Variants in CCDC12 observed in about 807,000 individuals in gnomAD.
The protein encoded by CCDC12 is coiled-coil domain-containing protein 12.
A neutral mutation model predicts 25.7 loss-of-function variants in CCDC12; 28 were observed. That is an observed-to-expected ratio of 1.09 (90% CI 0.81 to 1.50). The LOEUF (loss-of-function observed/expected upper bound fraction) is 1.50. Ranked by LOEUF, CCDC12 falls within the 40% of genes most tolerant of loss-of-function variation. The pLI is 0.00. For missense variants in CCDC12, 198 were observed against 210.0 expected (o/e 0.94, Z 0.35); for synonymous variants, 75 against 87.7 (o/e 0.86, Z 0.81).
At chr3:46,946,978 C>T (rs990380193) in intron 1 of CCDC12, among the ~76,000 whole-genome samples, 5 of 152,166 alleles carry the variant, frequency 3.3e-5, no homozygotes, top group African/African-American at 1.2e-4. Context: ...AGACATTCAA[C>T]TTCTCATCTA....
At chr3:46,963,678 C>T (rs2107184611) in intron 1 of CCDC12, among the ~76,000 whole-genome samples, 1 of 152,374 alleles carries the variant, frequency 6.6e-6, no homozygotes, top group Middle Eastern at 3.4e-3. Flanking sequence ...GGCTGGTCTC[C>T]AGCTCCTAAC....
chr3:46,960,683 G>T (rs1024913025), intron 1 of CCDC12, among the ~76,000 whole-genome samples: 2 of 152,142 alleles, frequency 1.3e-5, no homozygotes, highest in African/African-American at 4.8e-5. Context: ...CAAAACCAGG[G>T]AGAAGCCAGG....
intron 1 of CCDC12, among the ~76,000 whole-genome samples, chr3:46,951,179 C>T (rs917988385): frequency 6.6e-6 from 1 of 151,848 alleles, no homozygotes; most frequent in African/African-American, 2.4e-5. Flanking sequence ...GTAGAACTCA[C>T]CGAAACAGAG....
At chr3:46,971,203 A>T (rs149844442) in intron 1 of CCDC12, among the ~76,000 whole-genome samples, 162 of 152,342 alleles carry the variant, frequency 1.1e-3, no homozygotes, top group African/African-American at 3.8e-3. Flanking sequence ...CTCAAGTTCC[A>T]TGCTGCCTTC....
In CCDC12 at chr3:46,957,994, C is replaced by T. The variant is rs867526168; in HGVS notation, c.97-16929G>A. ...ACACACACACACACACACACACACA[C>T]ACATATATATGTAAAGCTAATAGAA... On this transcript the variant is annotated intron_variant, in intron 1 of 6. Coordinates refer to ENST00000683445, the MANE Select transcript of CCDC12 (RefSeq NM_001277074.2). Among the ~76,000 whole-genome samples, 768 of 147,186 alleles carry T rather than the reference C, an allele frequency of 5.2e-3. 9 individuals are homozygous for T. Among genetic ancestry groups the T allele is most frequent in the African/African-American group, 0.019 (736 of 39,692 alleles).
chr3:46,937,523 G>C (rs4683294), intron 2 of CCDC12, among the ~76,000 whole-genome samples: 85,672 of 152,104 alleles, frequency 0.56, 26,701 homozygotes, highest in East Asian at 0.7. Flanking sequence ...GCTCACTGGC[G>C]AATGGCCTCA....
In CCDC12 at chr3:46,968,554, G is replaced by A. The variant is rs115965854; in HGVS notation, c.96+8083C>T. Among the ~76,000 whole-genome samples, 874 of 152,268 alleles carry A rather than the reference G, an allele frequency of 5.7e-3. 11 individuals are homozygous for A. The highest frequency in any genetic ancestry group is 0.02 in the African/African-American group (847 of 41,544). The stretch of plus-strand genomic sequence containing the variant: ...CTGATGAGTTCAGAAGCTGTATCTC[G>A]ATTTTATAGACAAGAGAGAGGCTCA... On this transcript the variant is annotated intron_variant, in intron 1 of 6. Coordinates refer to ENST00000683445, the MANE Select transcript of CCDC12 (RefSeq NM_001277074.2).
chr3:46,949,640 G>A (rs988238941), intron 1 of CCDC12, among the ~76,000 whole-genome samples: 9 of 152,188 alleles, frequency 5.9e-5, no homozygotes, highest in African/African-American at 1.4e-4. Flanking sequence ...GTCAAAGTGG[G>A]GCTGGCACTA....
rs577632843 is a variant in CCDC12 at position 46,939,730 on chromosome 3, G to T, written c.164+1268C>A. ...TGGTAGCATGTCTGAACCCGAGTAG[G>T]GGGCATGGACTCTGCAGGGCTCTCA... On this transcript the variant is annotated intron_variant, in intron 2 of 6. Coordinates refer to ENST00000683445, the MANE Select transcript of CCDC12 (RefSeq NM_001277074.2). Among the ~76,000 whole-genome samples the T allele has an allele frequency of 2.2e-4, 33 of 152,288 alleles. No homozygotes were observed. The South Asian group carries it at 6.0e-3, about 28-fold the overall frequency.
chr3:46,966,429 C>A (rs916508670), intron 1 of CCDC12, among the ~76,000 whole-genome samples: 1 of 151,972 alleles, frequency 6.6e-6, no homozygotes, highest in Non-Finnish European at 1.5e-5. Flanking sequence ...AGGAGAACGG[C>A]TTGAGCACGG....
intron 2 of CCDC12, among the ~76,000 whole-genome samples, chr3:46,930,716 C>A (rs1482902667): frequency 6.6e-6 from 1 of 152,216 alleles, no homozygotes; most frequent in Non-Finnish European, 1.5e-5. Context: ...CTGCTCACCC[C>A]CTCAGCTACA....
Position 46,976,673 on chromosome 3 carries a change from T to C in CCDC12, c.60A>G (p.Glu20=), listed in dbSNP as rs559644948. ...RLEEEALRRK[E]RLKALREKTG... ...TTTTCTCCCGTAGGGCCTTCAGCCG[T>C]TCCTTTCGCCGCAACGCCTCTTCCT... Residue 20 remains glutamate (E), a synonymous_variant, in exon 1 of 7, where the codon GAA becomes GAG. Coordinates refer to ENST00000683445, the MANE Select transcript of CCDC12 (RefSeq NM_001277074.2). 1 of 1,610,738 alleles carries C rather than the reference T, an allele frequency of 6.2e-7. No individual in the cohort carries two copies. The highest frequency in any genetic ancestry group is 1.3e-5 in the African/African-American group (1 of 74,944).
intron 2 of CCDC12, among the ~76,000 whole-genome samples, chr3:46,929,751 G>T (rs1215879642): frequency 6.6e-6 from 1 of 151,120 alleles, no homozygotes; most frequent in African/African-American, 2.4e-5. Flanking sequence ...TCTTGGCTGG[G>T]CATGGTGGCT....
At chr3:46,957,384 C>T (rs760075461) in intron 1 of CCDC12, among the ~76,000 whole-genome samples, 5 of 152,104 alleles carry the variant, frequency 3.3e-5, no homozygotes, top group Non-Finnish European at 7.4e-5. Context: ...GGCTGTGTAC[C>T]TCTAAGGCTG....
intron 1 of CCDC12, among the ~76,000 whole-genome samples, chr3:46,954,567 T>G (rs1007711471): frequency 1.3e-5 from 2 of 152,198 alleles, no homozygotes; most frequent in African/African-American, 4.8e-5. Context: ...TGACCTTTCA[T>G]GTGGGTAGAT....
intron 2 of CCDC12, among the ~76,000 whole-genome samples, chr3:46,926,462 C>T (rs1165298181): frequency 6.6e-6 from 1 of 152,210 alleles, no homozygotes; most frequent in Non-Finnish European, 1.5e-5. Flanking sequence ...GCAGGAGCTG[C>T]GGCTAGCTAC....
chr3:46,963,469 C>T (rs913168658), intron 1 of CCDC12, among the ~76,000 whole-genome samples: 3 of 151,030 alleles, frequency 2.0e-5, no homozygotes, highest in Non-Finnish European at 4.4e-5. Flanking sequence ...CACGGTTTCC[C>T]TCTCCCTCTC....
At chr3:46,940,067 A>G (rs1176798215) in intron 2 of CCDC12, among the ~76,000 whole-genome samples, 1 of 152,218 alleles carries the variant, frequency 6.6e-6, no homozygotes, top group Non-Finnish European at 1.5e-5. Flanking sequence ...GGCCCCAGGA[A>G]GAGAGCCCCA....
At chr3:46,961,412 C>T (rs2034461014) in intron 1 of CCDC12, among the ~76,000 whole-genome samples, 1 of 152,176 alleles carries the variant, frequency 6.6e-6, no homozygotes, top group South Asian at 2.1e-4. Flanking sequence ...GGAGGTAACA[C>T]ATATTTCTAG....
Sources: allele counts gnomAD v4.1 joint callset (sites outside exome capture counted in the v4.1 genomes callset), GRCh38; gene constraint gnomAD v4.1.1; transcripts MANE v1.5; gene names NCBI Gene and HGNC (gene_info 2026-07-23, HGNC 2026-07-21).